TECTA: variants seen among roughly 807,000 people sequenced by gnomAD.
TECTA encodes alpha-tectorin.
Under a neutral mutation model 216.8 loss-of-function variants are expected in TECTA, and 128 were observed. That is an observed-to-expected ratio of 0.59 (90% confidence interval 0.51 to 0.68). The LOEUF is 0.68. Ranked by LOEUF, TECTA falls within the 30% of genes least tolerant of loss-of-function variation. TECTA has a pLI of 0.00. For synonymous variants in TECTA, 1,089 were observed against 1,117.1 expected, an observed-to-expected ratio of 0.97 and a Z score of 0.50; for missense variants, 2,551 against 2,786.2, an observed-to-expected ratio of 0.92 and a Z score of 1.90.
chr11:121,187,773 G>A, intron 20 of TECTA, 59 bp from the exon 21 acceptor site: 1 of 1,596,102 alleles, frequency 6.3e-7, no homozygotes, highest in East Asian at 2.2e-5. Flanking sequence ...CTGAAGGTGA[G>A]GATTAAGGTG....
intron 22 of TECTA, 92 bp downstream of exon 22, chr11:121,189,259 A>G: frequency 1.5e-6 from 2 of 1,312,610 alleles, no homozygotes; most frequent in Admixed American, 3.5e-5. Context: ...GGTCCAGTGG[A>G]CAAGGAGGCT....
chr11:121,182,895 C>T (rs1039665174), intron 20 of TECTA, among the ~76,000 whole-genome samples: 1 of 152,134 alleles, frequency 6.6e-6, no homozygotes, highest in African/African-American at 2.4e-5. Context: ...GGCCCCATGA[C>T]AGCACCTGGT....
At chr11:121,118,220 A>G (rs1259169902) in intron 6 of TECTA, 86 bp from the exon 7 acceptor site, 1 of 1,532,586 alleles carries the variant, frequency 6.5e-7, no homozygotes, top group East Asian at 2.3e-5. Flanking sequence ...ATTAAATGGT[A>G]TAATGGAAGT....
Position 121,128,104 on chromosome 11 carries a change from G to T in TECTA, c.2127G>T (p.Arg709=). 6.2e-7 allele frequency: 1 copy of T among 1,612,936 alleles called. No individual in the cohort carries two copies. The change falls in exon 9 of 24, where the codon CGG becomes CGT. Residue 709 remains arginine, a synonymous_variant. Coordinates refer to ENST00000392793, the MANE Select transcript of TECTA (RefSeq NM_005422.4). ...EDGYQGCFPK[R]ETVCLLSQNQ... is the part of the protein sequence containing the mutation. ...GCTACCAGGGCTGCTTCCCCAAGCG[G>T]GAGACCGTGTGCCTGCTCAGCCAGA...
chr11:121,121,075 G>A (rs887006956), intron 7 of TECTA, among the ~76,000 whole-genome samples: 3 of 152,154 alleles, frequency 2.0e-5, no homozygotes, highest in African/African-American at 4.8e-5. Flanking sequence ...GACTAGGAGG[G>A]GTCAGGCTCT....
Position 121,152,986 on chromosome 11 carries a change from A to G in TECTA, c.4211A>G (p.Glu1404Gly). Residue 1404 changes from glutamate to glycine, a missense_variant, in exon 13 of 24, where the codon GAG becomes GGG. This residue lies in a region of TECTA where 2,375 missense variants were observed against 2,563.9 expected (regional missense o/e 0.93). Coordinates refer to ENST00000392793, the MANE Select transcript of TECTA (RefSeq NM_005422.4). Reference sequence around the variant, plus strand: ...AGTGACTGCAGCCACTACTGCGTGGAGGGCTGTCACTGCGACGCTGGCTAC... The same window carrying G: ...AGTGACTGCAGCCACTACTGCGTGGGGGGCTGTCACTGCGACGCTGGCTAC... ...LKSDCSHYCVEGCHCDAGYVL... is the reference protein window; with the variant it reads ...LKSDCSHYCVGGCHCDAGYVL... The G allele has an allele frequency of 1.2e-6, 2 of 1,614,174 alleles. No homozygotes were observed. The highest frequency in any genetic ancestry group is 1.7e-6 in the Non-Finnish European group (2 of 1,180,032).
chr11:121,141,206 T>A (rs1484842204), intron 11 of TECTA, among the ~76,000 whole-genome samples: 3 of 152,252 alleles, frequency 2.0e-5, no homozygotes, highest in Non-Finnish European at 4.4e-5. Context: ...GCTTATTCAA[T>A]GATTTGCATT....
chr11:121,112,627 G>T (rs182433336), intron 4 of TECTA, among the ~76,000 whole-genome samples: 1 of 152,202 alleles, frequency 6.6e-6, no homozygotes, highest in Non-Finnish European at 1.5e-5. Flanking sequence ...AATCCGCATG[G>T]CCACTTTAAT....
At chr11:121,141,804 G>T (rs149943711) in intron 11 of TECTA, among the ~76,000 whole-genome samples, 1 of 152,166 alleles carries the variant, frequency 6.6e-6, no homozygotes, top group Non-Finnish European at 1.5e-5. Context: ...CCAAGTCCTC[G>T]GGGTAGAAAA....
In TECTA at chr11:121,128,014, G is replaced by A. The variant is rs1946631195; in HGVS notation, c.2037G>A (p.Glu679=). The A allele has an allele frequency of 6.2e-7, 1 of 1,613,736 alleles. No homozygotes were observed. The highest frequency in any genetic ancestry group is 1.3e-5 in the African/African-American group (1 of 75,062). Residue 679 remains glutamate, a synonymous_variant, in exon 9 of 24, where the codon GAG becomes GAA. Transcript: ENST00000392793. ...ANCTVQCLCE[E]GGDVYCFNKT... ...GCACTGTGCAATGCCTGTGCGAGGA[G>A]GGCGGGGACGTCTACTGCTTCAACA...
intron 3 of TECTA, among the ~76,000 whole-genome samples, chr11:121,106,177 T>C (rs1035819818): frequency 2.6e-5 from 4 of 152,174 alleles, no homozygotes; most frequent in Non-Finnish European, 4.4e-5. Flanking sequence ...TGGAGGAGTA[T>C]ACAGGGCAAT....
chr11:121,175,072 T>C (rs1197049421), intron 20 of TECTA, among the ~76,000 whole-genome samples: 1 of 152,176 alleles, frequency 6.6e-6, no homozygotes, highest in African/African-American at 2.4e-5. Context: ...TCTATTTGAT[T>C]CTTCTCTCTT....
At chr11:121,153,211 G>A (rs1183307095) in intron 13 of TECTA, 131 bp downstream of exon 13, 8 of 1,089,124 alleles carry the variant, frequency 7.3e-6, no homozygotes, top group Non-Finnish European at 1.1e-5. Flanking sequence ...CAGGGGAATG[G>A]GATGGGGGGT....
intron 7 of TECTA, among the ~76,000 whole-genome samples, chr11:121,123,093 T>C (rs1946575506): frequency 6.6e-6 from 1 of 152,152 alleles, no homozygotes; most frequent in Non-Finnish European, 1.5e-5. Context: ...GCAACAATGA[T>C]GACAGGTAAG....
intron 12 of TECTA, among the ~76,000 whole-genome samples, chr11:121,152,214 C>T (rs1236935833): frequency 2.0e-5 from 3 of 152,260 alleles, no homozygotes; most frequent in African/African-American, 7.2e-5. Flanking sequence ...TTTGCACAGA[C>T]ATGTGCACGT....
At chr11:121,136,621 G>A (rs1946729955) in intron 10 of TECTA, among the ~76,000 whole-genome samples, 1 of 152,072 alleles carries the variant, frequency 6.6e-6, no homozygotes. Context: ...CAAAACAACC[G>A]TGCTAGCTAA....
intron 20 of TECTA, among the ~76,000 whole-genome samples, chr11:121,172,261 A>C (rs1348922409): frequency 1.3e-5 from 2 of 152,096 alleles, no homozygotes; most frequent in African/African-American, 2.4e-5. Flanking sequence ...ATATGTATAC[A>C]TGTGCCATGC....
intron 7 of TECTA, 41 bp downstream of exon 7, chr11:121,118,759 G>A: frequency 3.1e-6 from 5 of 1,609,552 alleles, no homozygotes; most frequent in Non-Finnish European, 4.2e-6. Flanking sequence ...TGGAGAAGCT[G>A]GAGATTCTTC....
chr11:121,160,443 C>G lies in TECTA; in HGVS notation c.4976+22C>G, dbSNP rs779346605. ...AGAGGTGAGGGTGTAGGAGTTCAAG[C>G]CACTAGACTTGGTGGCCCAAGTTCT... On this transcript the variant is annotated intron_variant, in intron 15 of 23. Transcript: ENST00000392793. 33 of 1,604,948 alleles carry G rather than the reference C, an allele frequency of 2.1e-5. No homozygotes were observed. The East Asian group carries it at 7.4e-4, about 36-fold the overall frequency.
Sources: gnomAD v4.1 joint callset for allele counts (sites outside exome capture counted in the v4.1 genomes callset) on GRCh38, gnomAD v4.1.1 for gene constraint, gnomAD v4.1.1 regional missense constraint, MANE v1.5 for transcripts, NCBI Gene and HGNC (gene_info 2026-07-23, HGNC 2026-07-21) for gene names.